Variants in MEGF10 observed in about 807,000 individuals in gnomAD.
MEGF10 encodes the protein multiple EGF like domains 10.
Under a neutral mutation model 147.5 loss-of-function variants are expected in MEGF10, and 86 were observed. The ratio of observed to expected loss-of-function variants is 0.58; its 90% CI spans 0.49 to 0.70. The LOEUF (loss-of-function observed/expected upper bound fraction) is 0.70, where lower values mean the gene tolerates loss of function less well. MEGF10 is among the 30% of genes least tolerant of loss of function. The pLI is 0.00. For synonymous variants in MEGF10, 478 were observed against 525.5 expected, an observed-to-expected ratio of 0.91 and a Z score of 1.24; for missense variants, 1,329 against 1,487.3, an observed-to-expected ratio of 0.89 and a Z score of 1.75.
intron 22 of MEGF10, among the ~76,000 whole-genome samples, 174 bp from the exon 23 acceptor site, chr5:127,454,392 T>C (rs936591103): frequency 2.6e-5 from 4 of 152,166 alleles, no homozygotes; most frequent in African/African-American, 9.7e-5. Flanking sequence ...GTGTGTGTGT[T>C]TAATTCTAGG....
Position 127,455,620 on chromosome 5 carries a change from A to C in MEGF10, c.3232+13A>C. On this transcript the variant is annotated intron_variant, in intron 24 of 24. Coordinates refer to ENST00000503335, the MANE Select transcript of MEGF10 (RefSeq NM_001256545.2). The stretch of plus-strand genomic sequence containing the variant: ...GTCTATGAAGTTGGTGAGTTCCCTT[A>C]ACCATAGAAAGAACCGAGTGCTTAA... The C allele has an allele frequency of 1.2e-6, 2 of 1,611,404 alleles. No homozygotes were observed. The highest frequency in any genetic ancestry group is 1.7e-6 in the Non-Finnish European group (2 of 1,178,304).
At chr5:127,427,141 C>T (rs1765230964) in intron 13 of MEGF10, among the ~76,000 whole-genome samples, 2 of 152,206 alleles carry the variant, frequency 1.3e-5, no homozygotes, top group African/African-American at 4.8e-5. Flanking sequence ...TTGCATAGTG[C>T]ACAACTTGCA....
At position 127,430,890 on chromosome 5, in the gene MEGF10, G is replaced by T. The variant is rs112688300; in HGVS notation, c.1694-2473G>T. Reference sequence around the variant, plus strand: ...AAAGGGCTTGAATTTTTAAGAGGGTGTTGGTAATAGAATTTTTATAATTTA... The same window carrying T: ...AAAGGGCTTGAATTTTTAAGAGGGTTTTGGTAATAGAATTTTTATAATTTA... On this transcript the variant is annotated intron_variant, in intron 13 of 24. Coordinates refer to ENST00000503335, the MANE Select transcript of MEGF10 (RefSeq NM_001256545.2). 3.9e-3 allele frequency among the ~76,000 whole-genome samples: 593 copies of T among 152,318 alleles called. 2 individuals carry two copies. The highest frequency in any genetic ancestry group is 0.014 in the African/African-American group (562 of 41,570).
chr5:127,431,707 G>A (rs1343024770), intron 13 of MEGF10, among the ~76,000 whole-genome samples: 1 of 152,230 alleles, frequency 6.6e-6, no homozygotes. Flanking sequence ...CACGGTCAGA[G>A]TCTAGGACCT....
At chr5:127,452,058 C>G (rs1766173283) in intron 22 of MEGF10, among the ~76,000 whole-genome samples, 1 of 152,106 alleles carries the variant, frequency 6.6e-6, no homozygotes, top group Non-Finnish European at 1.5e-5. Context: ...TAAATTAAAC[C>G]AAGCATTTGA....
intron 5 of MEGF10, among the ~76,000 whole-genome samples, chr5:127,375,525 T>A (rs1561603601): frequency 6.6e-6 from 1 of 152,248 alleles, no homozygotes; most frequent in Non-Finnish European, 1.5e-5. Context: ...AAATTATTGT[T>A]TTTAAAAAGC....
the MEGF10 span, among the ~76,000 whole-genome samples, chr5:127,255,819 C>T: frequency 0.047 from 7,177 of 152,176 alleles, 285 homozygotes; most frequent in African/African-American, 0.1. Flanking sequence ...TATTGTCATC[C>T]TGGGAACACA....
chr5:127,391,052 T>C (rs1763639950), intron 5 of MEGF10, among the ~76,000 whole-genome samples: 1 of 151,078 alleles, frequency 6.6e-6, no homozygotes, highest in Non-Finnish European at 1.5e-5. Flanking sequence ...TGAACGGTTA[T>C]TGTCTTTATG....
chr5:127,312,899 C>A (rs971310372), intron 1 of MEGF10, among the ~76,000 whole-genome samples: 13 of 152,078 alleles, frequency 8.5e-5, no homozygotes, highest in African/African-American at 3.1e-4. Context: ...GATAAATTAT[C>A]TTGAAAAAAA....
chr5:127,302,328 G>A (rs1302824620), intron 1 of MEGF10, among the ~76,000 whole-genome samples: 1 of 152,142 alleles, frequency 6.6e-6, no homozygotes, highest in Non-Finnish European at 1.5e-5. Context: ...GCTACAACAT[G>A]GATGAACCTT....
chr5:127,370,174 A>G (rs1762800447), intron 5 of MEGF10, among the ~76,000 whole-genome samples, 172 bp downstream of exon 5: 1 of 152,218 alleles, frequency 6.6e-6, no homozygotes, highest in Non-Finnish European at 1.5e-5. Context: ...ATGTACATAT[A>G]CATTATTCGT....
the MEGF10 span, among the ~76,000 whole-genome samples, chr5:127,254,768 G>A: frequency 0.094 from 14,208 of 150,940 alleles, 1,080 homozygotes; most frequent in African/African-American, 0.21. Context: ...CCAAGATCAC[G>A]CCACTGTACT....
the MEGF10 span, among the ~76,000 whole-genome samples, chr5:127,247,357 A>G: frequency 0.33 from 2,429 of 7,306 alleles, 128 homozygotes; most frequent in Middle Eastern, 0.36. Flanking sequence ...GAAGAAGAAG[A>G]AGAAGAAGAA....
intron 21 of MEGF10, 116 bp from the exon 22 acceptor site, chr5:127,448,983 G>T (rs1355436385): frequency 1.0e-5 from 14 of 1,367,272 alleles, no homozygotes; most frequent in Non-Finnish European, 1.4e-5. Context: ...CTGAGCTCAG[G>T]TCACTCTAAG....
chr5:127,366,890 A>T (rs1762675697), intron 4 of MEGF10, among the ~76,000 whole-genome samples: 1 of 152,204 alleles, frequency 6.6e-6, no homozygotes, highest in Admixed American at 6.5e-5. Flanking sequence ...GAGTTAACAA[A>T]ATAAAAGCAA....
At chr5:127,261,951 T>C in the MEGF10 span, among the ~76,000 whole-genome samples, 7 of 152,174 alleles carry the variant, frequency 4.6e-5, no homozygotes, top group African/African-American at 1.7e-4. Context: ...AGTTTTTAAT[T>C]GGATCATTTG....
intron 19 of MEGF10, 153 bp from the exon 20 acceptor site, chr5:127,445,304 A>C: frequency 6.1e-6 from 4 of 651,802 alleles, no homozygotes; most frequent in Non-Finnish European, 1.1e-5. Context: ...ACAATGAGGA[A>C]TGTTTGCTTT....
chr5:127,300,921 C>T (rs1759737985), intron 1 of MEGF10, among the ~76,000 whole-genome samples: 1 of 152,194 alleles, frequency 6.6e-6, no homozygotes, highest in Non-Finnish European at 1.5e-5. Context: ...ATGCACCTCT[C>T]TAAGTTGGCC....
At chr5:127,304,171 C>G (rs1363603003) in intron 1 of MEGF10, among the ~76,000 whole-genome samples, 1 of 152,196 alleles carries the variant, frequency 6.6e-6, no homozygotes, top group African/African-American at 2.4e-5. Context: ...CTTCCTAATT[C>G]AGGCAAGCTG....
Sources: gnomAD v4.1 joint callset for allele counts (sites outside exome capture counted in the v4.1 genomes callset) on GRCh38, gnomAD v4.1.1 for gene constraint, MANE v1.5 for transcripts, NCBI Gene and HGNC (gene_info 2026-07-23, HGNC 2026-07-21) for gene names.